ENOPH1: variants seen among roughly 807,000 people sequenced by gnomAD.
ENOPH1 encodes enolase-phosphatase E1.
ENOPH1 carries 14 observed loss-of-function variants against 31.1 expected under a neutral mutation model. The ratio of observed to expected loss-of-function variants is 0.45; its 90% CI spans 0.30 to 0.70. The LOEUF (loss-of-function observed/expected upper bound fraction) is 0.70, where lower values mean the gene tolerates loss of function less well. ENOPH1 is among the 30% of genes least tolerant of loss of function. The probability of loss-of-function intolerance (pLI) is 0.09; values close to 1 mark genes in which losing one functional copy is unlikely to be tolerated. For missense variants in ENOPH1, 243 were observed against 321.5 expected, an observed-to-expected ratio of 0.76 and a Z score of 1.87; for synonymous variants, 127 against 123.2, an observed-to-expected ratio of 1.03 and a Z score of -0.21.
At chr4:82,455,778 T>G (rs573716828) in intron 4 of ENOPH1, among the ~76,000 whole-genome samples, 1 of 151,210 alleles carries the variant, frequency 6.6e-6, no homozygotes, top group South Asian at 2.1e-4. Context: ...AGAGTGAGAT[T>G]CCATCTCAAA....
In ENOPH1 at chr4:82,430,871, G is replaced by C. The variant is rs543644558; in HGVS notation, c.42G>C (p.Leu14=). ...TCCCCGCCGAAGTCACCGTGATCCT[G>C]TTAGATATCGAAGGTACCACAACCC... is the stretch of plus-strand genomic sequence containing the variant. The part of the protein sequence containing the change: ...LSVPAEVTVI[L]LDIEGTTTPI... Residue 14 remains leucine, a synonymous_variant, in exon 1 of 6, where the codon CTG becomes CTC. Transcript: ENST00000273920. The C allele has an allele frequency of 6.2e-7, 1 of 1,614,230 alleles. No individual in the cohort carries two copies. Among genetic ancestry groups the C allele is most frequent in the Non-Finnish European group, 8.5e-7 (1 of 1,180,018 alleles).
chr4:82,460,221 A>G lies in ENOPH1; in HGVS notation c.*101A>G. 7.8e-6 allele frequency: 9 copies of G among 1,157,712 alleles called. No homozygotes were observed. Among genetic ancestry groups the G allele is most frequent in the Non-Finnish European group, 1.0e-5 (8 of 791,150 alleles). The allele number at this position is 1,157,712 out of a possible 1,614,324, so 71.7% of individuals were successfully genotyped here. A position where few individuals can be genotyped will look rare whatever the true frequency, so the allele number is the denominator to read the frequency against. On this transcript the variant is annotated 3_prime_UTR_variant, in exon 6 of 6. Transcript: ENST00000273920. ...AGTAACTTACTTAAAAAACATATGT[A>G]CACATATGTATGCAAGTATGTATAT...
intron 1 of ENOPH1, among the ~76,000 whole-genome samples, chr4:82,446,933 C>T (rs1722207031): frequency 6.6e-6 from 1 of 150,916 alleles, no homozygotes; most frequent in Admixed American, 6.6e-5. Context: ...GTCTCGATCT[C>T]CTGACCTCAT....
At position 82,454,650 on chromosome 4, in the gene ENOPH1, A is replaced by G. The variant is rs562452361; in HGVS notation, c.390-72A>G. ...GGGCACAAAGAGAGAAACATATGGCATCTGTTTTGACAGGTTTTTATCTGG... is the reference window on the plus strand; with the variant it reads ...GGGCACAAAGAGAGAAACATATGGCGTCTGTTTTGACAGGTTTTTATCTGG... On this transcript the variant is annotated intron_variant, in intron 3 of 5. Coordinates refer to ENST00000273920, the MANE Select transcript of ENOPH1 (RefSeq NM_021204.5). The G allele has an allele frequency of 4.6e-5, 70 of 1,514,456 alleles. No individual in the cohort carries two copies. The Admixed American group carries it at 4.9e-4, about 11-fold the overall frequency. 93.8% of individuals were successfully genotyped at this position (1,514,456 alleles called of 1,614,324 possible). A position where few individuals can be genotyped will look rare whatever the true frequency, so the allele number is the denominator to read the frequency against.
intron 5 of ENOPH1, 79 bp from the exon 6 acceptor site, chr4:82,459,902 C>A: frequency 6.6e-7 from 1 of 1,517,446 alleles, no homozygotes; most frequent in Non-Finnish European, 9.1e-7. Context: ...TCCCCACATC[C>A]CCCTGCTGAC....
At chr4:82,449,068 A>C (rs1270654291) in intron 2 of ENOPH1, among the ~76,000 whole-genome samples, 2 of 147,602 alleles carry the variant, frequency 1.4e-5, no homozygotes, top group African/African-American at 5.1e-5. Flanking sequence ...AAAAAAAAAA[A>C]AAAAAAAAAA....
At chr4:82,439,439 G>T (rs1015404716) in intron 1 of ENOPH1, among the ~76,000 whole-genome samples, 2 of 152,168 alleles carry the variant, frequency 1.3e-5, no homozygotes, top group African/African-American at 4.8e-5. Context: ...ACTTACTCCA[G>T]CTCTCTCTGG....
chr4:82,460,015 A>G lies in ENOPH1; in HGVS notation c.681A>G (p.Val227=), dbSNP rs751203432. ...ASAAEEADVH[V]AVVVRPGNAG... is the part of the protein sequence containing the mutation. Reference sequence around the variant, plus strand: ...CTGCTGAGGAAGCAGATGTGCACGTAGCTGTGGTGGTGAGACCAGGCAACG... The same window carrying G: ...CTGCTGAGGAAGCAGATGTGCACGTGGCTGTGGTGGTGAGACCAGGCAACG... The change falls in exon 6 of 6, where the codon GTA becomes GTG. Residue 227 remains valine (V), a synonymous_variant. Coordinates refer to ENST00000273920, the MANE Select transcript of ENOPH1 (RefSeq NM_021204.5). The G allele has an allele frequency of 6.2e-7, 1 of 1,614,068 alleles. No homozygotes were observed. The highest frequency in any genetic ancestry group is 8.5e-7 in the Non-Finnish European group (1 of 1,180,030).
intron 1 of ENOPH1, among the ~76,000 whole-genome samples, chr4:82,442,292 G>A (rs577326169): frequency 1.3e-4 from 20 of 152,274 alleles, no homozygotes; most frequent in Admixed American, 2.6e-4. Context: ...GCCAAGATGC[G>A]GGGGATCATC....
chr4:82,437,898 C>G (rs1430195839), intron 1 of ENOPH1, among the ~76,000 whole-genome samples: 1 of 152,158 alleles, frequency 6.6e-6, no homozygotes, highest in Non-Finnish European at 1.5e-5. Flanking sequence ...GCAATCCTTG[C>G]TATTTCAGAT....
chr4:82,440,513 T>A (rs1206418059), intron 1 of ENOPH1, among the ~76,000 whole-genome samples: 1 of 152,182 alleles, frequency 6.6e-6, no homozygotes, highest in African/African-American at 2.4e-5. Context: ...GAAAGAAGGC[T>A]TACTTTGCAG....
chr4:82,460,136 G>A lies in ENOPH1; in HGVS notation c.*16G>A. 1 of 1,614,038 alleles carries A rather than the reference G, an allele frequency of 6.2e-7. No homozygotes were observed. Among genetic ancestry groups the A allele is most frequent in the Non-Finnish European group, 8.5e-7 (1 of 1,179,912 alleles). On this transcript the variant is annotated 3_prime_UTR_variant, in exon 6 of 6. Transcript: ENST00000273920. ...CTCAACCTAGAGAAGGGTTGTTAAGGCAGACCGCCCTGTTCCCCAGAGTTG... is the reference window on the plus strand; with the variant it reads ...CTCAACCTAGAGAAGGGTTGTTAAGACAGACCGCCCTGTTCCCCAGAGTTG...
Position 82,430,819 on chromosome 4 carries a change from C to A in ENOPH1, c.-11C>A. ...AACAGCAGGCCGAGTCCCGTAGCAT[C>A]CGGTAGGGAAATGGTCGTGCTTTCG... On this transcript the variant is annotated 5_prime_UTR_variant, in exon 1 of 6. Coordinates refer to ENST00000273920, the MANE Select transcript of ENOPH1 (RefSeq NM_021204.5). 1 of 1,613,792 alleles carries A rather than the reference C, an allele frequency of 6.2e-7. No individual in the cohort carries two copies. The highest frequency in any genetic ancestry group is 8.5e-7 in the Non-Finnish European group (1 of 1,179,742).
intron 2 of ENOPH1, among the ~76,000 whole-genome samples, chr4:82,448,927 C>G (rs1027356728): frequency 1.9e-3 from 251 of 131,164 alleles, no homozygotes; most frequent in African/African-American, 2.3e-3. Flanking sequence ...GCGTAGTGGC[C>G]GGCGCCTGTA....
At chr4:82,452,994 T>C (rs538094499) in intron 3 of ENOPH1, among the ~76,000 whole-genome samples, 70 of 150,646 alleles carry the variant, frequency 4.6e-4, no homozygotes, top group East Asian at 3.0e-3. Context: ...CTCCGCCTCC[T>C]GGGTTCACGC....
chr4:82,431,139 G>C (rs7435235), intron 1 of ENOPH1, among the ~76,000 whole-genome samples: 1 of 152,200 alleles, frequency 6.6e-6, no homozygotes, highest in African/African-American at 2.4e-5. Context: ...GTTGGATCCA[G>C]ATGGGTGGGA....
chr4:82,441,957 G>A (rs928417275), intron 1 of ENOPH1, among the ~76,000 whole-genome samples: 1 of 152,184 alleles, frequency 6.6e-6, no homozygotes, highest in African/African-American at 2.4e-5. Context: ...AAGTGACTTT[G>A]AGCCAGGGAA....
chr4:82,444,645 A>G lies in ENOPH1; in HGVS notation c.85-3275A>G, dbSNP rs114728408. On this transcript the variant is annotated intron_variant, in intron 1 of 5. Coordinates refer to ENST00000273920, the MANE Select transcript of ENOPH1 (RefSeq NM_021204.5). ...GTCTTCGAAATTTCATGGCTCTTTC[A>G]GTAAGCGATCACTGAGCTTTGCAGA... Among the ~76,000 whole-genome samples the G allele has an allele frequency of 9.6e-3, 1,465 of 152,338 alleles. 25 individuals are homozygous for G. Among genetic ancestry groups the G allele is most frequent in the African/African-American group, 0.034 (1,402 of 41,566 alleles).
Position 82,430,689 on chromosome 4 carries a change from G to T in ENOPH1, c.-141G>T. 1 of 687,804 alleles carries T rather than the reference G, an allele frequency of 1.5e-6. No individual in the cohort carries two copies. The highest frequency in any genetic ancestry group is 2.5e-6 in the Non-Finnish European group (1 of 405,872). 42.6% of individuals were successfully genotyped at this position (687,804 alleles called of 1,614,324 possible). On this transcript the variant is annotated 5_prime_UTR_variant, in exon 1 of 6. Coordinates refer to ENST00000273920, the MANE Select transcript of ENOPH1 (RefSeq NM_021204.5). Reference sequence around the variant, plus strand: ...CAGAAGTGTCCTCTCCCCACGCGCGGCGGGCTGCACTTGGTCGCTGGCTCC... The same window carrying T: ...CAGAAGTGTCCTCTCCCCACGCGCGTCGGGCTGCACTTGGTCGCTGGCTCC...
Sources: gnomAD v4.1 joint callset for allele counts (sites outside exome capture counted in the v4.1 genomes callset) on GRCh38, gnomAD v4.1.1 for gene constraint, MANE v1.5 for transcripts, NCBI Gene and HGNC (gene_info 2026-07-23, HGNC 2026-07-21) for gene names.